Variants in UCHL3 observed in about 807,000 individuals in gnomAD.
UCHL3 encodes the protein ubiquitin C-terminal hydrolase L3.
UCHL3 carries 22 observed loss-of-function variants against 35.8 expected under a neutral mutation model. That is an observed-to-expected ratio of 0.61 (90% CI 0.44 to 0.88). The LOEUF (loss-of-function observed/expected upper bound fraction) is 0.88, where lower values mean the gene tolerates loss of function less well. Among genes scored for constraint, UCHL3 ranks in the 40% least tolerant of loss-of-function variants. The pLI is 0.00. For missense variants in UCHL3, 229 were observed against 276.9 expected (o/e 0.83, Z 1.23); for synonymous variants, 90 against 92.8 (o/e 0.97, Z 0.17).
Position 75,567,306 on chromosome 13 carries a change from C to T in UCHL3, c.420C>T (p.Asn140=), listed in dbSNP as rs1042021327. ...SPEERARYLE[N]YDAIRVTHET... ...AAGAACGAGCCAGATACCTGGAGAA[C>T]TATGATGTCGGTACCTTCTTTCCGT... The change falls in exon 5 of 9, where the codon AAC becomes AAT. Residue 140 remains asparagine (N), a synonymous_variant. Transcript: ENST00000377595. 3.1e-6 allele frequency: 5 copies of T among 1,613,976 alleles called. No homozygotes were observed. Among genetic ancestry groups the T allele is most frequent in the Non-Finnish European group, 4.2e-6 (5 of 1,179,968 alleles).
At chr13:75,595,096 T>C in intron 7 of UCHL3, 106 bp downstream of exon 7, 2 of 854,520 alleles carry the variant, frequency 2.3e-6, no homozygotes, top group Non-Finnish European at 3.5e-6. Flanking sequence ...TTAAATTAAC[T>C]GGTTGCCTAT....
At position 75,605,970 on chromosome 13, in the gene UCHL3, C is replaced by A; in HGVS notation, c.*158C>A. On this transcript the variant is annotated 3_prime_UTR_variant, in exon 9 of 9. Coordinates refer to ENST00000377595, the MANE Select transcript of UCHL3 (RefSeq NM_006002.5). Reference sequence around the variant, plus strand: ...CCTGTGTTTTATGTTATTTTTGCTCCAGGTTAAAGGTGCAATGCTTTCCTC... The same window carrying A: ...CCTGTGTTTTATGTTATTTTTGCTCAAGGTTAAAGGTGCAATGCTTTCCTC... 1.5e-6 allele frequency: 1 copy of A among 647,662 alleles called. No homozygotes were observed. Among genetic ancestry groups the A allele is most frequent in the Non-Finnish European group, 2.6e-6 (1 of 385,922 alleles). The allele number at this position is 647,662 out of a possible 1,614,324, so 40.1% of individuals were successfully genotyped here. A position where few individuals can be genotyped will look rare whatever the true frequency, so the allele number is the denominator to read the frequency against.
intron 7 of UCHL3, among the ~76,000 whole-genome samples, chr13:75,597,420 T>C (rs888954268): frequency 2.0e-5 from 3 of 152,144 alleles, no homozygotes; most frequent in Non-Finnish European, 4.4e-5. Context: ...AAAGAAGTCA[T>C]TTCAAAGTTC....
At chr13:75,571,385 C>G (rs2031852245) in intron 6 of UCHL3, among the ~76,000 whole-genome samples, 1 of 152,120 alleles carries the variant, frequency 6.6e-6, no homozygotes, top group Non-Finnish European at 1.5e-5. Flanking sequence ...TCTTGGATGC[C>G]TGTTAGACAT....
chr13:75,597,396 AT>A, intron 7 of UCHL3, among the ~76,000 whole-genome samples: 1 of 152,168 alleles, frequency 6.6e-6, no homozygotes, highest in East Asian at 1.9e-4. Context: ...AGAAGACACT[AT>A]ATAACTTTTA....
intron 6 of UCHL3, among the ~76,000 whole-genome samples, chr13:75,591,595 A>G (rs2032478913): frequency 6.6e-6 from 1 of 152,162 alleles, no homozygotes; most frequent in Admixed American, 6.6e-5. Context: ...TCTTGGCTCC[A>G]TATTAGTTCC....
chr13:75,583,301 A>G (rs1260718935), intron 6 of UCHL3, among the ~76,000 whole-genome samples: 1 of 152,164 alleles, frequency 6.6e-6, no homozygotes, highest in African/African-American at 2.4e-5. Context: ...ACACACACCC[A>G]CAAGCTTTGA....
At chr13:75,593,092 G>T (rs1294296643) in intron 6 of UCHL3, among the ~76,000 whole-genome samples, 1 of 152,162 alleles carries the variant, frequency 6.6e-6, no homozygotes, top group Non-Finnish European at 1.5e-5. Flanking sequence ...CTTAAGAAGA[G>T]ATGGTGTTAA....
chr13:75,553,223 G>A (rs1362712544), intron 2 of UCHL3, among the ~76,000 whole-genome samples: 1 of 152,152 alleles, frequency 6.6e-6, no homozygotes. Context: ...TGCCTTACCT[G>A]TTTTCCTTCT....
chr13:75,592,452 A>ACATATATATATATATGTATATATG (rs2032527961), intron 6 of UCHL3, among the ~76,000 whole-genome samples: 3 of 114,834 alleles, frequency 2.6e-5, no homozygotes, highest in Non-Finnish European at 3.7e-5. Context: ...ATATATATAT[A>ACATATATATATATATGTATATATG]TATATATATA....
intron 3 of UCHL3, among the ~76,000 whole-genome samples, chr13:75,565,032 C>T (rs1396547974): frequency 6.6e-6 from 1 of 152,074 alleles, no homozygotes; most frequent in Non-Finnish European, 1.5e-5. Flanking sequence ...TGTGATAGTG[C>T]GGTCCAGCCA....
chr13:75,595,382 G>T (rs2032616918), intron 7 of UCHL3, among the ~76,000 whole-genome samples: 1 of 151,840 alleles, frequency 6.6e-6, no homozygotes, highest in South Asian at 2.1e-4. Flanking sequence ...CGGATAACCT[G>T]AGCTCAGGAG....
chr13:75,594,888 A>G, intron 6 of UCHL3, 27 bp from the exon 7 acceptor site: 1 of 1,563,014 alleles, frequency 6.4e-7, no homozygotes, highest in Non-Finnish European at 8.7e-7. Flanking sequence ...TAATGTATAT[A>G]ATACCTATTT....
rs762029977 is a variant in UCHL3, at chr13:75,605,885, A to C, written c.*73A>C. On this transcript the variant is annotated 3_prime_UTR_variant, in exon 9 of 9. Coordinates refer to ENST00000377595, the MANE Select transcript of UCHL3 (RefSeq NM_006002.5). Reference sequence around the variant, plus strand: ...TTTCTCTGCCATACACTAACTCAAAAATTTTGATATTTTCATTAACTTGAT... The same window carrying C: ...TTTCTCTGCCATACACTAACTCAAACATTTTGATATTTTCATTAACTTGAT... The C allele has an allele frequency of 2.2e-5, 32 of 1,432,644 alleles. No individual in the cohort carries two copies. The highest frequency in any genetic ancestry group is 3.0e-5 in the Non-Finnish European group (31 of 1,027,740). The allele number at this position is 1,432,644 out of a possible 1,614,324, so 88.7% of individuals were successfully genotyped here.
chr13:75,561,800 T>C (rs1253012176), intron 3 of UCHL3, among the ~76,000 whole-genome samples: 7 of 31,884 alleles, frequency 2.2e-4, no homozygotes, highest in Non-Finnish European at 5.6e-4. Context: ...TATATATGTA[T>C]ACGTATACAT....
chr13:75,573,266 G>GAA (rs59697323), intron 6 of UCHL3, among the ~76,000 whole-genome samples: 1 of 129,406 alleles, frequency 7.7e-6, no homozygotes. Flanking sequence ...CTCTGTCTCA[G>GAA]AAAAAAAAAA....
In UCHL3 at chr13:75,559,098, G is replaced by GGC. The variant is rs573149133; in HGVS notation, c.55-1652_55-1651dup. ...TCTGTAGCCCAGGCTGGAGTGCAGT[G>GGC]GCGCAATCTCTGCTCACTGCAAGCT... On this transcript the variant is annotated intron_variant, in intron 2 of 8. Coordinates refer to ENST00000377595, the MANE Select transcript of UCHL3 (RefSeq NM_006002.5). 1.2e-4 allele frequency among the ~76,000 whole-genome samples: 16 copies of GGC among 130,810 alleles called. No homozygotes were observed. In the South Asian group the frequency reaches 3.0e-3, roughly 24 times the overall value. 85.8% of individuals were successfully genotyped at this position (130,810 alleles called of 152,430 possible).
At chr13:75,570,544 A>T (rs1946869406) in intron 6 of UCHL3, among the ~76,000 whole-genome samples, 2 of 152,154 alleles carry the variant, frequency 1.3e-5, no homozygotes, top group Admixed American at 1.3e-4. Context: ...CCGAAACCAC[A>T]CTTTTTCATG....
intron 2 of UCHL3, among the ~76,000 whole-genome samples, chr13:75,553,545 T>G (rs1243888328): frequency 2.0e-5 from 3 of 152,232 alleles, no homozygotes; most frequent in Non-Finnish European, 4.4e-5. Context: ...GAGTCTCTGT[T>G]GCTAGATCAT....
Sources: allele counts gnomAD v4.1 joint callset (sites outside exome capture counted in the v4.1 genomes callset), GRCh38; gene constraint gnomAD v4.1.1; transcripts MANE v1.5; gene names NCBI Gene and HGNC (gene_info 2026-07-23, HGNC 2026-07-21).